CRYL1: variants seen among roughly 807,000 people sequenced by gnomAD.
The protein encoded by CRYL1 is crystallin lambda 1.
In CRYL1, 29 loss-of-function variants were observed where a neutral mutation model predicts 36.6. That is an observed-to-expected ratio of 0.79 (90% CI 0.59 to 1.08). CRYL1 has a LOEUF of 1.08. Among genes scored for constraint, CRYL1 ranks in the 50% least tolerant of loss-of-function variants. The pLI is 0.00. For synonymous variants in CRYL1, 152 were observed against 151.5 expected (o/e 1.00, Z -0.02); for missense variants, 411 against 407.9 (o/e 1.01, Z -0.06).
At chr13:20,451,174 C>T (rs886389500) in intron 3 of CRYL1, among the ~76,000 whole-genome samples, 9 of 151,946 alleles carry the variant, frequency 5.9e-5, no homozygotes, top group South Asian at 4.2e-4. Flanking sequence ...CAAACCTGCA[C>T]GTTGTGCACA....
intron 3 of CRYL1, among the ~76,000 whole-genome samples, chr13:20,444,566 T>C (rs2032416733): frequency 6.6e-6 from 1 of 152,246 alleles, no homozygotes; most frequent in Admixed American, 6.5e-5. Flanking sequence ...TCCAATGATG[T>C]TTTTGTACCG....
intron 4 of CRYL1, among the ~76,000 whole-genome samples, chr13:20,437,333 AG>A (rs1418787834): frequency 2.8e-5 from 4 of 145,454 alleles, no homozygotes; most frequent in Admixed American, 7.0e-5. Flanking sequence ...TTTGAGATGG[AG>A]TCTCGCTCTG....
intron 6 of CRYL1, among the ~76,000 whole-genome samples, chr13:20,407,692 C>CT (rs1299267494): frequency 6.6e-6 from 1 of 152,150 alleles, no homozygotes; most frequent in African/African-American, 2.4e-5. Flanking sequence ...TAGAGCTTGG[C>CT]TTTTTAGAAG....
chr13:20,439,808 G>A, intron 3 of CRYL1, 54 bp from the exon 4 acceptor site: 1 of 1,515,974 alleles, frequency 6.6e-7, no homozygotes, highest in Non-Finnish European at 9.1e-7. Flanking sequence ...CAGGCCCCAA[G>A]CAAAGCATTT....
intron 2 of CRYL1, among the ~76,000 whole-genome samples, chr13:20,507,713 T>A (rs1285382912): frequency 6.6e-6 from 1 of 151,516 alleles, no homozygotes; most frequent in Non-Finnish European, 1.5e-5. Context: ...GGTCAGGAGA[T>A]CGAGACCATC....
chr13:20,437,022 G>T (rs1468165645), intron 4 of CRYL1, among the ~76,000 whole-genome samples: 1 of 152,104 alleles, frequency 6.6e-6, no homozygotes, highest in African/African-American at 2.4e-5. Flanking sequence ...GGGGCCAGGT[G>T]TGGTGCCTTT....
chr13:20,501,869 A>C (rs762441092), intron 2 of CRYL1, among the ~76,000 whole-genome samples: 2 of 152,222 alleles, frequency 1.3e-5, no homozygotes, highest in African/African-American at 4.8e-5. Context: ...CTCTAACTCC[A>C]GACGGGCAGG....
chr13:20,429,758 G>C (rs2032014307), intron 5 of CRYL1, among the ~76,000 whole-genome samples: 1 of 152,134 alleles, frequency 6.6e-6, no homozygotes, highest in Non-Finnish European at 1.5e-5. Flanking sequence ...CATGACCAGT[G>C]TGCCAGTGCT....
intron 3 of CRYL1, among the ~76,000 whole-genome samples, chr13:20,463,630 C>T (rs777879583): frequency 6.6e-5 from 10 of 152,202 alleles, no homozygotes; most frequent in Non-Finnish European, 1.2e-4. Context: ...GAGCCTCTTC[C>T]TGCCCTTTTT....
chr13:20,507,013 G>C (rs949518648), intron 2 of CRYL1, among the ~76,000 whole-genome samples: 3 of 152,196 alleles, frequency 2.0e-5, no homozygotes. Context: ...CACGAGATCT[G>C]ATGGTTTTAT....
intron 3 of CRYL1, among the ~76,000 whole-genome samples, chr13:20,487,004 C>G (rs2137469387): frequency 6.6e-6 from 1 of 152,210 alleles, no homozygotes; most frequent in Admixed American, 6.6e-5. Flanking sequence ...TTATAATGTT[C>G]TCATATTATG....
At chr13:20,405,351 C>T (rs2031342148) in intron 6 of CRYL1, among the ~76,000 whole-genome samples, 1 of 152,076 alleles carries the variant, frequency 6.6e-6, no homozygotes, top group Admixed American at 6.5e-5. Context: ...CTCCGGTTGG[C>T]CTGCGTTCAC....
intron 1 of CRYL1, among the ~76,000 whole-genome samples, chr13:20,522,889 A>G (rs1490104348): frequency 7.3e-6 from 1 of 137,066 alleles, no homozygotes; most frequent in African/African-American, 2.6e-5. Context: ...ATGCAAATTT[A>G]TCTTCATGAT....
chr13:20,404,564 A>G (rs1178598738), intron 7 of CRYL1, 71 bp downstream of exon 7: 18 of 955,556 alleles, frequency 1.9e-5, no homozygotes, highest in Non-Finnish European at 2.9e-5. Context: ...CCCGCTGCAG[A>G]GGTGAGGGGC....
intron 2 of CRYL1, among the ~76,000 whole-genome samples, chr13:20,511,119 C>T (rs925379566): frequency 6.6e-6 from 1 of 152,138 alleles, no homozygotes; most frequent in Non-Finnish European, 1.5e-5. Flanking sequence ...AAGTCTCACT[C>T]TGCTGCCCAG....
chr13:20,433,168 G>A (rs749061153), intron 4 of CRYL1, among the ~76,000 whole-genome samples: 4 of 152,046 alleles, frequency 2.6e-5, no homozygotes, highest in African/African-American at 4.8e-5. Flanking sequence ...CCAGCACCCC[G>A]ACGAGCCCAA....
chr13:20,445,036 T>C (rs1410792846), intron 3 of CRYL1, among the ~76,000 whole-genome samples: 1 of 152,174 alleles, frequency 6.6e-6, no homozygotes, highest in East Asian at 1.9e-4. Flanking sequence ...TTTAACAAAG[T>C]GCTGGGAATA....
In CRYL1 at chr13:20,430,422, G is replaced by C. The variant is rs1326979182; in HGVS notation, c.633+1680C>G. 2 of 985,224 alleles carry C rather than the reference G, an allele frequency of 2.0e-6. 1 individual carries two copies. Among genetic ancestry groups the C allele is most frequent in the Non-Finnish European group, 2.4e-6 (2 of 829,904 alleles). 61.0% of individuals were successfully genotyped at this position (985,224 alleles called of 1,614,324 possible). On this transcript the variant is annotated intron_variant, in intron 5 of 7. Transcript: ENST00000298248. The stretch of plus-strand genomic sequence containing the variant: ...GGAGGTATGTCACCACAGAAAGCCA[G>C]GAGTAAGAATGTTCCCGCTAGCCAG...
intron 1 of CRYL1, among the ~76,000 whole-genome samples, chr13:20,522,413 G>A (rs1342469298): frequency 6.6e-6 from 1 of 151,236 alleles, no homozygotes; most frequent in African/African-American, 2.4e-5. Flanking sequence ...GAAGGAGACT[G>A]TAGTTTATAG....
Sources: gnomAD v4.1 joint callset for allele counts (sites outside exome capture counted in the v4.1 genomes callset) on GRCh38, gnomAD v4.1.1 for gene constraint, MANE v1.5 for transcripts, NCBI Gene and HGNC (gene_info 2026-07-23, HGNC 2026-07-21) for gene names.